Variants in CPAMD8 observed in about 807,000 individuals in gnomAD.
The protein encoded by CPAMD8 is C3 and PZP-like alpha-2-macroglobulin domain-containing protein 8.
In CPAMD8, 146 loss-of-function variants were observed where a neutral mutation model predicts 224.7. That is an observed-to-expected ratio of 0.65 (90% confidence interval 0.57 to 0.75). The LOEUF (loss-of-function observed/expected upper bound fraction) is 0.75. CPAMD8 is among the 30% of genes least tolerant of loss of function. The probability of loss-of-function intolerance (pLI) is 0.00; values close to 1 mark genes in which losing one functional copy is unlikely to be tolerated. For missense variants in CPAMD8, 2,301 were observed against 2,537.5 expected (o/e 0.91, Z 2.00); for synonymous variants, 966 against 1,044.6 (o/e 0.92, Z 1.45).
chr19:17,026,526 T>C, intron 1 of CPAMD8, 25 bp downstream of exon 1: 2 of 1,476,356 alleles, frequency 1.4e-6, no homozygotes, highest in African/African-American at 1.5e-5. Flanking sequence ...GCGACCGACC[T>C]CCTCTGTCGC....
At chr19:16,986,762 G>C (rs1426393947) in intron 13 of CPAMD8, among the ~76,000 whole-genome samples, 3 of 152,130 alleles carry the variant, frequency 2.0e-5, no homozygotes, top group Non-Finnish European at 4.4e-5. Flanking sequence ...TATAGCTTGA[G>C]CCAGAGGCTC....
Position 17,008,516 on chromosome 19 carries a change from G to C in CPAMD8, c.548C>G (p.Pro183Arg), listed in dbSNP as rs758310062. The stretch of plus-strand genomic sequence containing the variant: ...AGGAAGAAACTTACCGCAGCAGAAC[G>C]GCTTTAAGTGTCTCCACTCTATCAT... ...SRMIEWRHLK[P>R]FCCGITNMSF... Residue 183 changes from proline (P) to arginine (R), a missense_variant, in exon 7 of 42, where the codon CCG becomes CGG. By Grantham distance (103) the Pro-to-Arg change is moderately radical (BLOSUM62 -2). Transcript: ENST00000443236. 1 of 1,613,248 alleles carries C rather than the reference G, an allele frequency of 6.2e-7. No homozygotes were observed. The highest frequency in any genetic ancestry group is 1.9e-4 in the Middle Eastern group (1 of 5,292).
chr19:16,898,020 T>C lies in CPAMD8; in HGVS notation c.4849-26A>G. On this transcript the variant is annotated intron_variant, in intron 37 of 41. Transcript: ENST00000443236. This position sits in a 1 kb window ranked among gnomAD's most constrained non-coding sequence, Gnocchi z 4.2. ...CTGTGGGGCAGCGGCGGGCGCAGGC[T>C]CGACCCGGGCCAGGAGGCCCGGGGC... 1 of 1,577,052 alleles carries C rather than the reference T, an allele frequency of 6.3e-7. No individual in the cohort carries two copies.
chr19:17,008,918 A>G (rs1455097879), intron 6 of CPAMD8, among the ~76,000 whole-genome samples: 1 of 151,638 alleles, frequency 6.6e-6, no homozygotes, highest in Non-Finnish European at 1.5e-5. Context: ...TGAAACCCCC[A>G]TTTCCACTAA....
chr19:16,970,238 C>CAA (rs34399675), intron 18 of CPAMD8, among the ~76,000 whole-genome samples: 16,384 of 92,438 alleles, frequency 0.18, 1,317 homozygotes, highest in Admixed American at 0.21. Context: ...GACTCTGTCT[C>CAA]AAAAAAAAAA....
chr19:17,019,628 T>C (rs145313957), intron 3 of CPAMD8, among the ~76,000 whole-genome samples: 10 of 152,134 alleles, frequency 6.6e-5, no homozygotes, highest in African/African-American at 2.4e-4. Context: ...CGATCATAGT[T>C]CACTGCAGCC....
intron 13 of CPAMD8, 72 bp downstream of exon 13, chr19:16,989,571 G>A (rs1421828376): frequency 4.5e-6 from 7 of 1,552,182 alleles, no homozygotes; most frequent in Non-Finnish European, 6.1e-6. Context: ...ACAGGCATGA[G>A]CCACAGCACC....
chr19:16,980,764 G>A (rs2055485218), intron 13 of CPAMD8, 78 bp from the exon 14 acceptor site: 2 of 1,217,428 alleles, frequency 1.6e-6, no homozygotes, highest in Admixed American at 2.6e-5. Context: ...GCCATTCTGG[G>A]GCCAGAGGGA....
At position 16,900,596 on chromosome 19, in the gene CPAMD8, AAAT is replaced by A. The variant is rs962384715; in HGVS notation, c.4773+611_4773+613del. Among the ~76,000 whole-genome samples the A allele has an allele frequency of 1.7e-3, 264 of 151,340 alleles. 1 individual carries two copies. Among genetic ancestry groups the A allele is most frequent in the African/African-American group, 5.6e-3 (232 of 41,226 alleles). ...GGCAACAAGAGCAAAACTCCATCTCAAATAATAATAATAATAATAATAGTGACA... is the reference window on the plus strand; with the variant it reads ...GGCAACAAGAGCAAAACTCCATCTCAAATAATAATAATAATAATAGTGACA... On this transcript the variant is annotated intron_variant, in intron 36 of 41. Coordinates refer to ENST00000443236, the MANE Select transcript of CPAMD8 (RefSeq NM_015692.5).
chr19:16,943,599 C>A (rs2053976910), intron 22 of CPAMD8, among the ~76,000 whole-genome samples: 1 of 152,178 alleles, frequency 6.6e-6, no homozygotes, highest in Non-Finnish European at 1.5e-5. Flanking sequence ...AATAATATTC[C>A]ATTGCATTGA....
intron 11 of CPAMD8, among the ~76,000 whole-genome samples, chr19:16,996,817 T>TAAA (rs11332531): frequency 9.2e-6 from 1 of 108,348 alleles, no homozygotes; most frequent in Non-Finnish European, 1.9e-5. Context: ...TGACTATCTC[T>TAAA]AAAAAAAAAA....
intron 36 of CPAMD8, among the ~76,000 whole-genome samples, chr19:16,900,783 G>A (rs891584345): frequency 6.6e-6 from 1 of 151,798 alleles, no homozygotes; most frequent in Non-Finnish European, 1.5e-5. Flanking sequence ...AGGCTGAGGC[G>A]GGAGGATTGC....
intron 14 of CPAMD8, among the ~76,000 whole-genome samples, chr19:16,977,805 A>G (rs1276081743): frequency 6.6e-6 from 1 of 152,044 alleles, no homozygotes; most frequent in Non-Finnish European, 1.5e-5. Context: ...GCCGGGGAAC[A>G]TGGTCCCTGC....
intron 38 of CPAMD8, 35 bp downstream of exon 38, chr19:16,897,849 GGGACC>G (rs745966595): frequency 6.3e-7 from 1 of 1,582,494 alleles, no homozygotes; most frequent in African/African-American, 1.3e-5. Flanking sequence ...CGACGGGTCA[GGGACC>G]GGGCCGGGCC....
chr19:16,917,823 T>C (rs912387883), intron 27 of CPAMD8, among the ~76,000 whole-genome samples: 4 of 152,172 alleles, frequency 2.6e-5, no homozygotes, highest in African/African-American at 9.7e-5. Context: ...CAGAAGTGTT[T>C]CAGATTTTGA....
In CPAMD8 at chr19:16,951,974, C is replaced by T. The variant is rs61741614; in HGVS notation, c.2503G>A (p.Ala835Thr). The T allele has an allele frequency of 3.6e-3, 5,547 of 1,560,010 alleles. 171 individuals carry two copies. The African/African-American group carries it at 0.067, about 19-fold the overall frequency. The change falls in exon 20 of 42, where the codon GCT becomes ACT. Residue 835 changes from alanine to threonine, a missense_variant. Coordinates refer to ENST00000443236, the MANE Select transcript of CPAMD8 (RefSeq NM_015692.5). The part of the protein sequence containing the change: ...LSVYNYMGTC[A>T]EVYMKLSVPK... ...GTATTTGGGGGGCTGAGTACCTCAGCGCAGGTGCCCATGTAGTTGTAGACA... is the reference window on the plus strand; with the variant it reads ...GTATTTGGGGGGCTGAGTACCTCAGTGCAGGTGCCCATGTAGTTGTAGACA...
chr19:16,942,716 GC>G (rs2053942721), intron 22 of CPAMD8, among the ~76,000 whole-genome samples: 1 of 152,170 alleles, frequency 6.6e-6, no homozygotes, highest in Non-Finnish European at 1.5e-5. Flanking sequence ...CTGCCCCTCT[GC>G]CGTGGCTTGG....
chr19:16,975,064 G>A (rs759010851), intron 17 of CPAMD8, 33 bp downstream of exon 17: 2 of 1,597,152 alleles, frequency 1.3e-6, no homozygotes, highest in South Asian at 1.1e-5. Flanking sequence ...AACTTAGAAG[G>A]GGGCAGAGGG....
chr19:16,948,549 C>T (rs2054180153), intron 20 of CPAMD8, among the ~76,000 whole-genome samples: 1 of 151,812 alleles, frequency 6.6e-6, no homozygotes, highest in African/African-American at 2.4e-5. Flanking sequence ...GAGTTTGACA[C>T]CAGCTTGGCC....
Sources: allele counts gnomAD v4.1 joint callset (sites outside exome capture counted in the v4.1 genomes callset), GRCh38; gene constraint gnomAD v4.1.1; non-coding constraint Gnocchi (gnomAD v3.1); transcripts MANE v1.5; gene names NCBI Gene and HGNC (gene_info 2026-07-23, HGNC 2026-07-21).